The following ERG variants were observed in gnomAD, a reference collection of about 807,000 sequenced individuals.
The protein encoded by ERG is ETS transcription factor ERG.
A neutral mutation model predicts 55.3 loss-of-function variants in ERG; 9 were observed. The observed-to-expected ratio is 0.16, with a 90% CI of 0.10 to 0.28. The LOEUF is 0.28. Among genes scored for constraint, ERG ranks in the 10% least tolerant of loss-of-function variants. The pLI is 1.00. For missense variants in ERG, 434 were observed against 631.6 expected, an observed-to-expected ratio of 0.69 and a Z score of 3.35; for synonymous variants, 223 against 237.3, an observed-to-expected ratio of 0.94 and a Z score of 0.55.
At chr21:38,443,463 A>T in intron 2 of ERG, among the ~76,000 whole-genome samples, 1 of 152,174 alleles carries the variant, frequency 6.6e-6, no homozygotes, top group East Asian at 1.9e-4. Flanking sequence ...TCACGCTGGC[A>T]TATATGGGAT....
At chr21:38,415,043 G>T (rs1174278222) in intron 3 of ERG, among the ~76,000 whole-genome samples, 3 of 152,144 alleles carry the variant, frequency 2.0e-5, no homozygotes, top group African/African-American at 7.2e-5. Context: ...GTTGCAGAAT[G>T]TCTACAACAA....
At chr21:38,475,579 G>A (rs1020711615) in intron 1 of ERG, among the ~76,000 whole-genome samples, 5 of 152,170 alleles carry the variant, frequency 3.3e-5, no homozygotes, top group African/African-American at 7.2e-5. Flanking sequence ...TCACTCCTCC[G>A]AGGCATTTGC....
chr21:38,423,235 G>A (rs1274984817), intron 3 of ERG, among the ~76,000 whole-genome samples, 175 bp downstream of exon 3: 2 of 151,738 alleles, frequency 1.3e-5, no homozygotes, highest in Non-Finnish European at 2.9e-5. Context: ...CTTTGCTGTC[G>A]ATCCGTGAAC....
intron 1 of ERG, among the ~76,000 whole-genome samples, chr21:38,474,713 G>A (rs1370371231): frequency 8.6e-5 from 12 of 138,926 alleles, no homozygotes; most frequent in Admixed American, 4.6e-4. Flanking sequence ...AAACAAATAC[G>A]GTGAAAGACT....
At chr21:38,423,241 T>C (rs1989628963) in intron 3 of ERG, among the ~76,000 whole-genome samples, 169 bp downstream of exon 3, 1 of 152,168 alleles carries the variant, frequency 6.6e-6, no homozygotes, top group African/African-American at 2.4e-5. Context: ...TGTCGATCCG[T>C]GAACATGTCC....
At chr21:38,570,483 T>C (rs543202661) in intron 2 of ERG, among the ~76,000 whole-genome samples, 1 of 152,358 alleles carries the variant, frequency 6.6e-6, no homozygotes, top group Non-Finnish European at 1.5e-5. Flanking sequence ...TCCATAGGTA[T>C]CAGAGACAGG....
intron 1 of ERG, among the ~76,000 whole-genome samples, chr21:38,456,226 A>G (rs1245747451): frequency 6.6e-6 from 1 of 152,214 alleles, no homozygotes; most frequent in Non-Finnish European, 1.5e-5. Flanking sequence ...CTATGCATCC[A>G]GGTTAGATGC....
At chr21:38,564,577 C>CT (rs746247617) in intron 2 of ERG, among the ~76,000 whole-genome samples, 2 of 150,948 alleles carry the variant, frequency 1.3e-5, no homozygotes, top group African/African-American at 5.0e-5. Context: ...TGCACTTCTT[C>CT]TCTCTCTCTC....
chr21:38,528,655 A>G (rs1368921402), intron 2 of ERG, among the ~76,000 whole-genome samples: 1 of 46,024 alleles, frequency 2.2e-5, no homozygotes, highest in Non-Finnish European at 6.4e-5. Flanking sequence ...TCACCTTGTT[A>G]GCCAGGATGG....
In ERG at chr21:38,601,124, A is replaced by G. The variant is rs192538446; in HGVS notation, c.-149-16179T>C. ...TGACAGATGTCAAGGGGATCACTGG[A>G]TTCCAGGATTGACAGGATGGAACGG... On this transcript the variant is annotated intron_variant, in intron 1 of 10. Coordinates refer to the ERG transcript ENST00000398910. 3.9e-4 allele frequency among the ~76,000 whole-genome samples: 59 copies of G among 152,298 alleles called. 2 individuals carry two copies. Among genetic ancestry groups the G allele is most frequent in the Admixed American group, 3.7e-3 (56 of 15,300 alleles).
At chr21:38,425,821 C>G (rs1989797836) in intron 2 of ERG, among the ~76,000 whole-genome samples, 1 of 152,168 alleles carries the variant, frequency 6.6e-6, no homozygotes, top group Non-Finnish European at 1.5e-5. Flanking sequence ...CTAAGGAGGT[C>G]AAAACCATCT....
chr21:38,658,405 A>G (rs957359793), intron 1 of ERG, among the ~76,000 whole-genome samples: 1 of 152,180 alleles, frequency 6.6e-6, no homozygotes, highest in Non-Finnish European at 1.5e-5. Flanking sequence ...ATTCACTATG[A>G]CAATGTCTTC....
At chr21:38,619,851 T>C (rs373860334) in intron 1 of ERG, among the ~76,000 whole-genome samples, 133 of 152,336 alleles carry the variant, frequency 8.7e-4, no homozygotes, top group African/African-American at 2.7e-3. Context: ...AATACCAACA[T>C]AAACAAAAGA....
rs185265096 is a variant in ERG at position 38,592,720 on chromosome 21, C to T, written c.-149-7775G>A. 1.6e-3 allele frequency among the ~76,000 whole-genome samples: 243 copies of T among 152,258 alleles called. 1 individual carries two copies. The highest frequency in any genetic ancestry group is 4.5e-3 in the African/African-American group (187 of 41,538). ...AAGGGTCCCCTTTTACTCTAAGTCA[C>T]AGAGAAATGTTGAACATTTAAACCT... On this transcript the variant is annotated intron_variant, in intron 1 of 10. Coordinates refer to the ERG transcript ENST00000398910.
In ERG at chr21:38,429,507, A is replaced by G. The variant is rs1269072720; in HGVS notation, c.237-5946T>C. ...TGTATGCACATGTACATATATACATATGTGTATATACATGTATGCACATGT... is the reference window on the plus strand; with the variant it reads ...TGTATGCACATGTACATATATACATGTGTGTATATACATGTATGCACATGT... On this transcript the variant is annotated intron_variant, in intron 2 of 9. Transcript: ENST00000288319. Among the ~76,000 whole-genome samples, 4 of 80,486 alleles carry G rather than the reference A, an allele frequency of 5.0e-5. 2 individuals carry two copies. Among genetic ancestry groups the G allele is most frequent in the African/African-American group, 1.8e-4 (4 of 22,550 alleles). The allele number at this position is 80,486 out of a possible 152,430, so 52.8% of individuals were successfully genotyped here. A position where few individuals can be genotyped will look rare whatever the true frequency, so the allele number is the denominator to read the frequency against.
intron 7 of ERG, among the ~76,000 whole-genome samples, chr21:38,392,006 A>G (rs1987993167): frequency 6.6e-6 from 1 of 152,224 alleles, no homozygotes; most frequent in South Asian, 2.1e-4. Flanking sequence ...ACAATAAATC[A>G]TAGTCTAAGA....
At position 38,461,772 on chromosome 21, in the gene ERG, T is replaced by C. The variant is rs76651272; in HGVS notation, c.19-16151A>G. Among the ~76,000 whole-genome samples the C allele has an allele frequency of 3.6e-3, 543 of 152,366 alleles. 3 individuals carry two copies. The highest frequency in any genetic ancestry group is 0.013 in the African/African-American group (524 of 41,584). On this transcript the variant is annotated intron_variant, in intron 1 of 9. Transcript: ENST00000288319. Reference sequence around the variant, plus strand: ...AATAGAGTTACTTTTCATAAAAATATCTCATTTGTGTTAACATGCAATGAG... The same window carrying C: ...AATAGAGTTACTTTTCATAAAAATACCTCATTTGTGTTAACATGCAATGAG...
chr21:38,375,344 T>C (rs536386311), downstream of ERG, among the ~76,000 whole-genome samples: 2 of 152,344 alleles, frequency 1.3e-5, no homozygotes, highest in South Asian at 2.1e-4. Context: ...GATAGGTGCA[T>C]GCATGTCTTG....
intron 1 of ERG, among the ~76,000 whole-genome samples, chr21:38,447,152 GT>G (rs35008212): frequency 0.14 from 21,350 of 151,870 alleles, 1,690 homozygotes; most frequent in African/African-American, 0.2. Context: ...CCAGGACCAA[GT>G]TTTTTCCTTA....
Sources: allele counts gnomAD v4.1 joint callset (sites outside exome capture counted in the v4.1 genomes callset), GRCh38; gene constraint gnomAD v4.1.1; transcripts MANE v1.5; gene names NCBI Gene and HGNC (gene_info 2026-07-23, HGNC 2026-07-21).